DNAH12: variants seen among roughly 807,000 people sequenced by gnomAD.
DNAH12 encodes dynein axonemal heavy chain 12.
A neutral mutation model predicts 371.5 loss-of-function variants in DNAH12; 285 were observed. The observed-to-expected ratio is 0.77, with a 90% confidence interval of 0.70 to 0.85. The LOEUF (loss-of-function observed/expected upper bound fraction) is 0.85. Ranked by LOEUF, DNAH12 falls within the 40% of genes least tolerant of loss-of-function variation. The pLI is 0.00. For missense variants in DNAH12, 3,611 were observed against 3,689.4 expected, an observed-to-expected ratio of 0.98 and a Z score of 0.55; for synonymous variants, 1,200 against 1,213.0, an observed-to-expected ratio of 0.99 and a Z score of 0.22.
chr3:57,403,573 T>A, intron 42 of DNAH12, 72 bp from the exon 43 acceptor site: 1 of 1,331,344 alleles, frequency 7.5e-7, no homozygotes, highest in Non-Finnish European at 1.0e-6. Context: ...GTAACTATTG[T>A]TTCACTTTCC....
At chr3:57,522,443 AT>A (rs1224678016) in intron 4 of DNAH12, among the ~76,000 whole-genome samples, 1 of 152,180 alleles carries the variant, frequency 6.6e-6, no homozygotes, top group African/African-American at 2.4e-5. Context: ...TACATTAAAT[AT>A]TTATTAATGT....
Position 57,446,104 on chromosome 3 carries a change from T to A in DNAH12, c.4106A>T (p.Asn1369Ile), listed in dbSNP as rs1432175999. 6.4e-7 allele frequency: 1 copy of A among 1,551,558 alleles called. No individual in the cohort carries two copies. Among genetic ancestry groups the A allele is most frequent in the Non-Finnish European group, 8.7e-7 (1 of 1,147,002 alleles). The change falls in exon 27 of 74, where the codon AAT (asparagine) becomes ATT (isoleucine). Residue 1369 changes from asparagine to isoleucine, a missense_variant. By Grantham distance (149) the Asn-to-Ile change is moderately radical (BLOSUM62 -3). Coordinates refer to ENST00000495027, the MANE Select transcript of DNAH12 (RefSeq NM_001366028.2). The part of the protein sequence containing the change: ...FVFEGTELKL[N>I]PNCFVAITMN... ...GGTAATAGCTACAAAACAATTCGGA[T>A]TGAGCTTAAGTTCTGTCCCTTCAAA...
At chr3:57,406,493 G>A (rs1461205377) in intron 40 of DNAH12, among the ~76,000 whole-genome samples, 1 of 152,012 alleles carries the variant, frequency 6.6e-6, no homozygotes, top group African/African-American at 2.4e-5. Flanking sequence ...CTTAATATCC[G>A]ATTCCATCCA....
At chr3:57,448,024 T>G (rs1312589232) in intron 25 of DNAH12, among the ~76,000 whole-genome samples, 1 of 152,184 alleles carries the variant, frequency 6.6e-6, no homozygotes, top group African/African-American at 2.4e-5. Context: ...GCCCATTAAC[T>G]TGATTGCTGA....
chr3:57,519,843 CTG>C, intron 4 of DNAH12: 4 of 1,106,234 alleles, frequency 3.6e-6, no homozygotes, highest in Non-Finnish European at 5.6e-6. Flanking sequence ...CATCCATCAC[CTG>C]GACTCTGCAG....
intron 43 of DNAH12, among the ~76,000 whole-genome samples, chr3:57,395,824 G>A (rs1193973101): frequency 1.3e-5 from 2 of 152,026 alleles, no homozygotes; most frequent in African/African-American, 4.8e-5. Flanking sequence ...GGTGGTACAT[G>A]TCTGTAGTCT....
rs1012383772 is a variant in DNAH12, at chr3:57,309,756, C to A, written c.10995G>T (p.Leu3665Phe). The A allele has an allele frequency of 6.4e-7, 1 of 1,551,280 alleles. No individual in the cohort carries two copies. Among genetic ancestry groups the A allele is most frequent in the African/African-American group, 1.4e-5 (1 of 72,992 alleles). Residue 3665 changes from leucine to phenylalanine, a missense_variant, in exon 68 of 74, where the codon TTG becomes TTT. Coordinates refer to ENST00000495027, the MANE Select transcript of DNAH12 (RefSeq NM_001366028.2). ...LQQTKTLFES[L>F]LLTQGGSKQT... The stretch of plus-strand genomic sequence containing the variant: ...GTTTGGAGCCTCCCTGGGTGAGGAG[C>A]AAGGACTCAAAGAGGGTTTTTGTTT...
At chr3:57,311,562 CA>C (rs897808078) in intron 66 of DNAH12, among the ~76,000 whole-genome samples, 4 of 152,192 alleles carry the variant, frequency 2.6e-5, no homozygotes, top group Admixed American at 1.3e-4. Context: ...TTTTGTCCCC[CA>C]GGTTACATTT....
intron 43 of DNAH12, 97 bp downstream of exon 43, chr3:57,403,212 T>C (rs2063923801): frequency 1.3e-5 from 15 of 1,190,952 alleles, no homozygotes; most frequent in Non-Finnish European, 1.7e-5. Flanking sequence ...TCATCATCAC[T>C]GGAGTTCAGT....
At chr3:57,345,172 T>G (rs555179438) in intron 60 of DNAH12, among the ~76,000 whole-genome samples, 1 of 152,282 alleles carries the variant, frequency 6.6e-6, no homozygotes, top group East Asian at 1.9e-4. Flanking sequence ...ATTTACATAA[T>G]CTGTTTACAA....
chr3:57,489,704 C>T lies in DNAH12; in HGVS notation c.1336-17G>A, dbSNP rs1432645319. ...TTCTATAAACTTGAAAAAAAGTGTT[C>T]AAATGAAAAAAAAAATGTTTAGAAC... is the stretch of plus-strand genomic sequence containing the variant. On this transcript the variant is annotated splice_polypyrimidine_tract_variant and intron_variant, in intron 11 of 73. Coordinates refer to ENST00000495027, the MANE Select transcript of DNAH12 (RefSeq NM_001366028.2). The T allele has an allele frequency of 6.8e-7, 1 of 1,480,460 alleles. No homozygotes were observed. The highest frequency in any genetic ancestry group is 2.6e-5 in the East Asian group (1 of 37,832). The allele number at this position is 1,480,460 out of a possible 1,614,324, so 91.7% of individuals were successfully genotyped here. A position where few individuals can be genotyped will look rare whatever the true frequency, so the allele number is the denominator to read the frequency against.
the DNAH12 span, among the ~76,000 whole-genome samples, chr3:57,554,718 C>G: frequency 6.6e-6 from 1 of 152,130 alleles, no homozygotes; most frequent in East Asian, 2.0e-4. Context: ...CAGGTTCAAG[C>G]GATTCTCCTG....
At position 57,425,078 on chromosome 3, in the gene DNAH12, G is replaced by A; in HGVS notation, c.5317C>T (p.Leu1773Phe). 1.4e-6 allele frequency: 1 copy of A among 702,862 alleles called. No homozygotes were observed. The highest frequency in any genetic ancestry group is 2.6e-6 in the Non-Finnish European group (1 of 384,944). 43.5% of individuals were successfully genotyped at this position (702,862 alleles called of 1,614,324 possible). ...VSLTRLFEVL[L>F]CNVVENDPTS... ...GGATCATTTTCTACCACATTGCAAAGTAGCACTTCAAAGAGGCGTGTGAGA... is the reference window on the plus strand; with the variant it reads ...GGATCATTTTCTACCACATTGCAAAATAGCACTTCAAAGAGGCGTGTGAGA... The change falls in exon 35 of 74, where the codon CTT becomes TTT. Residue 1773 changes from leucine (L) to phenylalanine (F), a missense_variant. Around this residue, in one of 3 missense-constraint regions of DNAH12, gnomAD observed 2,266 missense variants for 2,236.9 expected, o/e 1.01. Coordinates refer to ENST00000495027, the MANE Select transcript of DNAH12 (RefSeq NM_001366028.2).
intron 38 of DNAH12, 74 bp downstream of exon 38, chr3:57,415,352 T>C: frequency 8.8e-6 from 13 of 1,485,664 alleles, no homozygotes; most frequent in South Asian, 2.7e-5. Context: ...GCTTATTTAA[T>C]GTACAATTTT....
At position 57,457,776 on chromosome 3, in the gene DNAH12, T is replaced by C. The variant is rs2065941621; in HGVS notation, c.3281A>G (p.Gln1094Arg). 6.4e-7 allele frequency: 1 copy of C among 1,551,454 alleles called. No individual in the cohort carries two copies. The highest frequency in any genetic ancestry group is 8.7e-7 in the Non-Finnish European group (1 of 1,146,990). Residue 1094 changes from glutamine (Q) to arginine (R), a missense_variant, in exon 22 of 74, where the codon CAA becomes CGA. Around this residue, in one of 3 missense-constraint regions of DNAH12, gnomAD observed 1,314 missense variants for 1,398.7 expected, o/e 0.94. Coordinates refer to ENST00000495027, the MANE Select transcript of DNAH12 (RefSeq NM_001366028.2). ...ARGAVEKWLIQVEDLMLRSVH... is the reference protein window; with the variant it reads ...ARGAVEKWLIRVEDLMLRSVH... ...ACTCCGGAGCATTAGGTCTTCCACT[T>C]GAATGAGCCACTTTTCCACAGCACC... is the stretch of plus-strand genomic sequence containing the variant.
chr3:57,405,522 C>A, intron 41 of DNAH12, 131 bp downstream of exon 41: 3 of 1,080,790 alleles, frequency 2.8e-6, no homozygotes. Context: ...CTTCTCAAAA[C>A]AAACACCTAT....
chr3:57,325,985 G>A (rs1323653936), intron 62 of DNAH12, among the ~76,000 whole-genome samples: 1 of 152,122 alleles, frequency 6.6e-6, no homozygotes, highest in Non-Finnish European at 1.5e-5. Context: ...AAGATGAAAT[G>A]AAGCGAGAAG....
chr3:57,370,439 G>A (rs1262946823), intron 55 of DNAH12, among the ~76,000 whole-genome samples: 12 of 152,112 alleles, frequency 7.9e-5, no homozygotes, highest in Non-Finnish European at 1.2e-4. Context: ...GGTCAAATAC[G>A]TTACCAAAAT....
At chr3:57,504,535 T>C (rs60424783) in intron 8 of DNAH12, among the ~76,000 whole-genome samples, 31,836 of 152,160 alleles carry the variant, frequency 0.21, 3,755 homozygotes, top group African/African-American at 0.31. Flanking sequence ...TTCAGCCTCC[T>C]GAGTAGCTGG....
Sources: allele counts gnomAD v4.1 joint callset (sites outside exome capture counted in the v4.1 genomes callset), GRCh38; gene constraint gnomAD v4.1.1; regional missense constraint gnomAD v4.1.1; transcripts MANE v1.5; gene names NCBI Gene and HGNC (gene_info 2026-07-23, HGNC 2026-07-21).